The following HECW2 variants were observed in gnomAD, a reference collection of about 807,000 sequenced individuals.
The protein encoded by HECW2 is E3 ubiquitin-protein ligase HECW2.
In HECW2, 61 loss-of-function variants were observed where a neutral mutation model predicts 175.2. That is an observed-to-expected ratio of 0.35 (90% CI 0.28 to 0.43). The LOEUF (loss-of-function observed/expected upper bound fraction) is 0.43, where lower values mean the gene tolerates loss of function less well. HECW2 is among the 20% of genes least tolerant of loss of function. The pLI is 1.00. For synonymous variants in HECW2, 671 were observed against 731.0 expected (o/e 0.92, Z 1.32); for missense variants, 1,524 against 2,000.5 (o/e 0.76, Z 4.54).
intron 2 of HECW2, among the ~76,000 whole-genome samples, chr2:196,423,380 A>G (rs1411968718): frequency 1.3e-5 from 2 of 152,100 alleles, no homozygotes; most frequent in African/African-American, 2.4e-5. Flanking sequence ...TGAATTTACT[A>G]ATGTGTCTAA....
intron 1 of HECW2, among the ~76,000 whole-genome samples, chr2:196,439,283 A>G (rs1252047255): frequency 6.6e-6 from 1 of 152,216 alleles, no homozygotes; most frequent in Non-Finnish European, 1.5e-5. Context: ...GAGCCTGGGG[A>G]GAGGAACACC....
chr2:196,267,907 T>C (rs1689576263), intron 17 of HECW2, among the ~76,000 whole-genome samples: 1 of 152,226 alleles, frequency 6.6e-6, no homozygotes, highest in Non-Finnish European at 1.5e-5. Context: ...AAAGGACATA[T>C]GCCAAGCTAT....
chr2:196,476,551 T>C (rs1438422419), intron 1 of HECW2, among the ~76,000 whole-genome samples: 1 of 152,080 alleles, frequency 6.6e-6, no homozygotes, highest in Admixed American at 6.5e-5. Context: ...CAGAAAGTTA[T>C]CTCTCAATAA....
At chr2:196,298,138 G>A (rs115973233) in intron 13 of HECW2, among the ~76,000 whole-genome samples, 193 of 152,226 alleles carry the variant, frequency 1.3e-3, no homozygotes, top group African/African-American at 4.5e-3. Context: ...TATTTGGCAC[G>A]TATGTTGGAA....
intron 13 of HECW2, among the ~76,000 whole-genome samples, chr2:196,299,507 G>C (rs765092927): frequency 1.3e-4 from 20 of 152,008 alleles, no homozygotes; most frequent in Non-Finnish European, 2.4e-4. Context: ...TCACTTAAGG[G>C]GCCTAAAACA....
At chr2:196,394,368 A>T (rs1220290719) in intron 2 of HECW2, among the ~76,000 whole-genome samples, 1 of 152,246 alleles carries the variant, frequency 6.6e-6, no homozygotes, top group Non-Finnish European at 1.5e-5. Flanking sequence ...AAGATAGACC[A>T]GAATTTATTT....
At chr2:196,369,895 C>G (rs1392278304) in intron 2 of HECW2, among the ~76,000 whole-genome samples, 2 of 151,994 alleles carry the variant, frequency 1.3e-5, no homozygotes, top group Non-Finnish European at 2.9e-5. Flanking sequence ...TGAATGCTGC[C>G]AGGCCTGGAA....
At chr2:196,361,181 G>A (rs1392934536) in intron 2 of HECW2, among the ~76,000 whole-genome samples, 1 of 152,120 alleles carries the variant, frequency 6.6e-6, no homozygotes, top group Non-Finnish European at 1.5e-5. Flanking sequence ...TGGATTTTCT[G>A]CTTGCAAATT....
intron 18 of HECW2, among the ~76,000 whole-genome samples, chr2:196,256,986 A>G (rs992585179): frequency 2.0e-5 from 3 of 152,238 alleles, no homozygotes; most frequent in African/African-American, 7.2e-5. Context: ...TATGGAATGG[A>G]GAATTAGAAA....
chr2:196,584,523 C>A (rs1288749329), intron 1 of HECW2, among the ~76,000 whole-genome samples: 1 of 151,980 alleles, frequency 6.6e-6, no homozygotes, highest in African/African-American at 2.4e-5. Context: ...AATCACTTGT[C>A]TTGCCTGCTG....
intron 2 of HECW2, among the ~76,000 whole-genome samples, chr2:196,393,228 T>C (rs1363352993): frequency 6.6e-6 from 1 of 152,184 alleles, no homozygotes; most frequent in Non-Finnish European, 1.5e-5. Flanking sequence ...ATTCAGGACA[T>C]AGGCATAGAC....
rs115287324 is a variant in HECW2, at chr2:196,363,275, T to C, written c.293-19511A>G. On this transcript the variant is annotated intron_variant, in intron 2 of 28. Coordinates refer to ENST00000644978, the MANE Select transcript of HECW2 (RefSeq NM_001348768.2). ...GGACACATAGAAGATGCTTTAAAAA[T>C]AGTATCAAATGAGTGTCACTGTGCT... 1.6e-3 allele frequency among the ~76,000 whole-genome samples: 250 copies of C among 152,170 alleles called. 1 individual carries two copies. The highest frequency in any genetic ancestry group is 5.6e-3 in the African/African-American group (233 of 41,508).
chr2:196,403,541 G>A (rs1226487567), intron 2 of HECW2, among the ~76,000 whole-genome samples: 1 of 152,208 alleles, frequency 6.6e-6, no homozygotes, highest in African/African-American at 2.4e-5. Flanking sequence ...TCTGCAAAAT[G>A]TGACTTGATT....
intron 2 of HECW2, among the ~76,000 whole-genome samples, chr2:196,429,363 C>T (rs749902180): frequency 1.3e-5 from 2 of 152,182 alleles, no homozygotes; most frequent in Non-Finnish European, 2.9e-5. Context: ...GCCAGGTCCT[C>T]ATCCCTCTTT....
At chr2:196,245,791 C>T (rs532397730) in intron 19 of HECW2, among the ~76,000 whole-genome samples, 1 of 152,280 alleles carries the variant, frequency 6.6e-6, no homozygotes, top group South Asian at 2.1e-4. Context: ...AGTGAATAAA[C>T]TTGACTTTAA....
At chr2:196,444,276 G>C (rs897365603) in intron 1 of HECW2, among the ~76,000 whole-genome samples, 3 of 78,068 alleles carry the variant, frequency 3.8e-5, no homozygotes, top group Non-Finnish European at 9.6e-5. Flanking sequence ...TGGCTGAAGC[G>C]CATTAGGTGG....
intron 2 of HECW2, among the ~76,000 whole-genome samples, chr2:196,345,806 A>T (rs1054037776): frequency 6.6e-6 from 1 of 152,226 alleles, no homozygotes; most frequent in Admixed American, 6.5e-5. Flanking sequence ...CAGGTTAGAC[A>T]ACAAGGGTAT....
At position 196,508,894 on chromosome 2, in the gene HECW2, C is replaced by G. The variant is rs1290651695; in HGVS notation, c.-35-75436G>C. Among the ~76,000 whole-genome samples the G allele has an allele frequency of 2.0e-5, 3 of 152,256 alleles. No individual in the cohort carries two copies. In the South Asian group the frequency reaches 6.2e-4, roughly 32 times the overall value. ...GCATCCTGGCTAACATGGTGAAACC[C>G]TGTCTCTACTAAAAATACAAAAAAT... On this transcript the variant is annotated intron_variant, in intron 1 of 28. Coordinates refer to ENST00000644978, the MANE Select transcript of HECW2 (RefSeq NM_001348768.2).
At chr2:196,439,433 C>G (rs540808169) in intron 1 of HECW2, among the ~76,000 whole-genome samples, 1 of 152,326 alleles carries the variant, frequency 6.6e-6, no homozygotes, top group Admixed American at 6.5e-5. Context: ...CCTGTCTCCA[C>G]CTATTCCACA....
Sources: gnomAD v4.1 joint callset for allele counts (sites outside exome capture counted in the v4.1 genomes callset) on GRCh38, gnomAD v4.1.1 for gene constraint, MANE v1.5 for transcripts, NCBI Gene and HGNC (gene_info 2026-07-23, HGNC 2026-07-21) for gene names.